Variants in MINAR1 observed in about 807,000 individuals in gnomAD.
MINAR1 encodes the protein major intrinsically disordered Notch2-binding receptor 1.
MINAR1 carries 40 observed loss-of-function variants against 65.1 expected under a neutral mutation model. The ratio of observed to expected loss-of-function variants is 0.61; its 90% CI spans 0.48 to 0.80. MINAR1 has a LOEUF of 0.80. MINAR1 is among the 30% of genes least tolerant of loss of function. MINAR1 has a pLI of 0.00. For synonymous variants in MINAR1, 482 were observed against 449.1 expected, an observed-to-expected ratio of 1.07 and a Z score of -0.93; for missense variants, 1,128 against 1,148.0, an observed-to-expected ratio of 0.98 and a Z score of 0.25.
At position 79,463,328 on chromosome 15, in the gene MINAR1, C is replaced by T. The variant is rs753708151; in HGVS notation, c.2553+7C>T. ...GACAGCCCTGGACCTGCAGGTGAGC[C>T]TCTCACTGTCCCTGGGTGGGGGAAG... On this transcript the variant is annotated splice_region_variant and intron_variant, in intron 3 of 3. Transcript: ENST00000305428. The T allele has an allele frequency of 1.7e-5, 27 of 1,608,530 alleles. No individual in the cohort carries two copies. Among genetic ancestry groups the T allele is most frequent in the Non-Finnish European group, 2.1e-5 (25 of 1,176,020 alleles).
chr15:79,460,461 CCCT>C (rs1895605783), intron 2 of MINAR1, among the ~76,000 whole-genome samples: 2 of 152,300 alleles, frequency 1.3e-5, no homozygotes, highest in South Asian at 4.2e-4. Context: ...CCCCTCTGGT[CCCT>C]CCTCTTGGGC....
At position 79,456,942 on chromosome 15, in the gene MINAR1, C is replaced by T. The variant is rs765573793; in HGVS notation, c.795C>T (p.His265=). ...GGAATATCTTCAAAGAGGATTTTCA[C>T]AATTTGATGGCAGTGTCCCCCAGTT... is the stretch of plus-strand genomic sequence containing the variant. The part of the protein sequence containing the change: ...QKRNIFKEDF[H]NLMAVSPSLV... The change falls in exon 2 of 4, where the codon CAC becomes CAT. Residue 265 remains histidine (H), a synonymous_variant. Coordinates refer to ENST00000305428, the MANE Select transcript of MINAR1 (RefSeq NM_015206.3). 3.1e-6 allele frequency: 5 copies of T among 1,614,132 alleles called. No homozygotes were observed. In the East Asian group the frequency reaches 8.9e-5, roughly 29 times the overall value.
chr15:79,431,192 G>A (rs935992609), upstream of MINAR1, among the ~76,000 whole-genome samples: 1 of 152,112 alleles, frequency 6.6e-6, no homozygotes, highest in Non-Finnish European at 1.5e-5. Context: ...GAGGTGGGGT[G>A]GTGGGGGTGG....
At chr15:79,431,198 G>A (rs1399471591), upstream of MINAR1, among the ~76,000 whole-genome samples, 3 of 152,106 alleles carry the variant, frequency 2.0e-5, no homozygotes, top group African/African-American at 7.2e-5. Flanking sequence ...GGGTGGTGGG[G>A]GTGGGGGTGT....
At chr15:79,440,003 G>C (rs1894825681) in intron 1 of MINAR1, among the ~76,000 whole-genome samples, 1 of 152,108 alleles carries the variant, frequency 6.6e-6, no homozygotes, top group African/African-American at 2.4e-5. Context: ...CACTTCAGGG[G>C]AAGGAGACAC....
Position 79,469,202 on chromosome 15 carries a change from G to A in MINAR1, c.*818G>A, listed in dbSNP as rs1402638992. ...GGATCTCCTGTTCTTGCTTTGGTGT[G>A]TGGCTCCATTCCTTGATTTTCTATC... is the stretch of plus-strand genomic sequence containing the variant. On this transcript the variant is annotated 3_prime_UTR_variant, in exon 4 of 4. Coordinates refer to ENST00000305428, the MANE Select transcript of MINAR1 (RefSeq NM_015206.3). 6.6e-6 allele frequency: 1 copy of A among 152,656 alleles called. No homozygotes were observed. The highest frequency in any genetic ancestry group is 1.5e-5 in the Non-Finnish European group (1 of 68,048). 9.5% of individuals were successfully genotyped at this position (152,656 alleles called of 1,614,324 possible).
rs112348974 is a variant in MINAR1 at position 79,463,267 on chromosome 15, G to A, written c.2499G>A (p.Glu833=). Residue 833 remains glutamate, a synonymous_variant, in exon 3 of 4, where the codon GAG becomes GAA. Coordinates refer to ENST00000305428, the MANE Select transcript of MINAR1 (RefSeq NM_015206.3). ...GGGGCCAACCTTCTTGGACCATTGA[G>A]GAGTATGCACGGAATGCGGGCGACA... ...VKRGQPSWTI[E]EYARNAGDKG... 1,417 of 1,612,682 alleles carry A rather than the reference G, an allele frequency of 8.8e-4. 19 individuals carry two copies. In the African/African-American group the frequency reaches 0.016, roughly 19 times the overall value.
rs755567023 is a variant in MINAR1 at position 79,468,411 on chromosome 15, T to G, written c.*27T>G. On this transcript the variant is annotated 3_prime_UTR_variant, in exon 4 of 4. Transcript: ENST00000305428. ...CTAAGAATGCAACCTTACGTACAGC[T>G]TATGACTACCAATGTCGTCGTCTGT... 1.4e-5 allele frequency: 23 copies of G among 1,597,266 alleles called. No individual in the cohort carries two copies.
At position 79,463,304 on chromosome 15, in the gene MINAR1, A is replaced by T. The variant is rs1364970139; in HGVS notation, c.2536A>T (p.Thr846Ser). Reference sequence around the variant, plus strand: ...GAATGCGGGCGACAAGGGCAAGCTGACAGCCCTGGACCTGCAGGTGAGCCT... The same window carrying T: ...GAATGCGGGCGACAAGGGCAAGCTGTCAGCCCTGGACCTGCAGGTGAGCCT... The part of the protein sequence containing the change: ...ARNAGDKGKL[T>S]ALDLQTQESL... The change falls in exon 3 of 4, where the codon ACA becomes TCA. Residue 846 changes from threonine to serine, a missense_variant. Physicochemically the swap from Thr to Ser is moderately conservative, Grantham distance 58. Coordinates refer to ENST00000305428, the MANE Select transcript of MINAR1 (RefSeq NM_015206.3). The T allele has an allele frequency of 1.2e-6, 2 of 1,613,204 alleles. No homozygotes were observed. The highest frequency in any genetic ancestry group is 1.7e-6 in the Non-Finnish European group (2 of 1,179,250).
chr15:79,449,650 G>A (rs546825556), intron 1 of MINAR1, among the ~76,000 whole-genome samples: 28 of 152,146 alleles, frequency 1.8e-4, no homozygotes, highest in Non-Finnish European at 3.7e-4. Context: ...ATTGAGACCT[G>A]GCCTCCCCTA....
At chr15:79,427,388 C>A (rs182802066), upstream of MINAR1, 1 of 152,232 alleles carries the variant, frequency 6.6e-6, no homozygotes, top group African/African-American at 2.4e-5. Flanking sequence ...ATATAACAAA[C>A]CTGCATATGT....
intron 1 of MINAR1, among the ~76,000 whole-genome samples, chr15:79,436,515 A>C (rs1595927501): frequency 1.3e-5 from 2 of 152,230 alleles, no homozygotes; most frequent in Non-Finnish European, 2.9e-5. Context: ...AAATGTGTTC[A>C]GTGATTGGAC....
intron 1 of MINAR1, among the ~76,000 whole-genome samples, chr15:79,439,380 G>C (rs1477606089): frequency 1.6e-5 from 2 of 125,164 alleles, no homozygotes; most frequent in African/African-American, 6.1e-5. Flanking sequence ...GGTAGGCAGT[G>C]TGTGTGTGGG....
At chr15:79,414,336 C>G in the MINAR1 span, 2 of 152,226 alleles carry the variant, frequency 1.3e-5, no homozygotes, top group African/African-American at 4.8e-5. Flanking sequence ...ACCAAGCAAC[C>G]TTCTACTTAC....
the MINAR1 span, chr15:79,420,666 GT>G: frequency 3.9e-5 from 6 of 152,150 alleles, no homozygotes; most frequent in Admixed American, 3.9e-4. Flanking sequence ...TTGCTCTATG[GT>G]GGTGTACAAA....
rs1160787293 is a variant in MINAR1, at chr15:79,462,975, T to C, written c.2299-92T>C. The C allele has an allele frequency of 1.1e-5, 16 of 1,411,956 alleles. No individual in the cohort carries two copies. The East Asian group carries it at 3.8e-4, about 33-fold the overall frequency. The allele number at this position is 1,411,956 out of a possible 1,614,324, so 87.5% of individuals were successfully genotyped here. On this transcript the variant is annotated intron_variant, in intron 2 of 3. Coordinates refer to ENST00000305428, the MANE Select transcript of MINAR1 (RefSeq NM_015206.3). The stretch of plus-strand genomic sequence containing the variant: ...AAGTAACTGCACTTTGCTACCTGAA[T>C]GTCTACAGGAAAGCTGCTGGCTGCT...
At chr15:79,427,036 T>C in the MINAR1 span, 2 of 152,092 alleles carry the variant, frequency 1.3e-5, no homozygotes, top group Non-Finnish European at 2.9e-5. Context: ...CCATCAATAG[T>C]AGACTGGATA....
At chr15:79,433,856 C>T (rs1470451443) in intron 1 of MINAR1, among the ~76,000 whole-genome samples, 1 of 152,100 alleles carries the variant, frequency 6.6e-6, no homozygotes, top group African/African-American at 2.4e-5. Flanking sequence ...ATTGAGAGCC[C>T]GGCGGCAATA....
At chr15:79,465,309 T>C (rs1895799879) in intron 3 of MINAR1, among the ~76,000 whole-genome samples, 1 of 152,098 alleles carries the variant, frequency 6.6e-6, no homozygotes. Flanking sequence ...CTTAGGGCAG[T>C]GTTGGTGTCT....
Sources: allele counts gnomAD v4.1 joint callset (sites outside exome capture counted in the v4.1 genomes callset), GRCh38; gene constraint gnomAD v4.1.1; transcripts MANE v1.5; gene names NCBI Gene and HGNC (gene_info 2026-07-23, HGNC 2026-07-21).